Variants in FGD4 observed in about 807,000 individuals in gnomAD.
FGD4 encodes FYVE, RhoGEF and PH domain-containing protein 4.
A neutral mutation model predicts 102.0 loss-of-function variants in FGD4; 42 were observed. That is an observed-to-expected ratio of 0.41 (90% CI 0.32 to 0.53). The LOEUF is 0.53. FGD4 is among the 20% of genes least tolerant of loss of function. FGD4 has a pLI of 0.21. For synonymous variants in FGD4, 380 were observed against 375.7 expected (o/e 1.01, Z -0.13); for missense variants, 902 against 1,078.2 (o/e 0.84, Z 2.29).
At position 32,600,584 on chromosome 12, in the gene FGD4, C is replaced by CTTTT. The variant is rs776556112; in HGVS notation, c.1102-691_1102-690insTTTT. On this transcript the variant is annotated intron_variant, in intron 5 of 16. Transcript: ENST00000534526. ...GTTTTTTGTTTTTCTTTCTTTCTTT[C>CTTTT]TTTCTTTCTTTTTTTTTTTTTTGTC... 2,473 of 268,628 alleles carry CTTTT rather than the reference C, an allele frequency of 9.2e-3. 139 individuals carry two copies. The highest frequency in any genetic ancestry group is 0.075 in the African/African-American group (1,842 of 24,428). The allele number at this position is 268,628 out of a possible 1,614,324, so 16.6% of individuals were successfully genotyped here. A position where few individuals can be genotyped will look rare whatever the true frequency, so the allele number is the denominator to read the frequency against.
chr12:32,578,256 T>G (rs745415533), intron 3 of FGD4, among the ~76,000 whole-genome samples: 2 of 152,224 alleles, frequency 1.3e-5, no homozygotes, highest in Non-Finnish European at 2.9e-5. Context: ...AACAATGTTA[T>G]GTTCTCAGTG....
At chr12:32,574,563 G>T (rs1263269587) in intron 2 of FGD4, among the ~76,000 whole-genome samples, 1 of 152,006 alleles carries the variant, frequency 6.6e-6, no homozygotes, top group Non-Finnish European at 1.5e-5. Context: ...ACATATGTTG[G>T]AAAATATCAT....
At chr12:32,608,875 T>C (rs1342782518) in intron 8 of FGD4, among the ~76,000 whole-genome samples, 5 of 152,176 alleles carry the variant, frequency 3.3e-5, no homozygotes, top group Non-Finnish European at 7.3e-5. Flanking sequence ...TTTTTTGTCT[T>C]GGATCCTTAA....
chr12:32,615,231 C>G (rs1221959659), intron 10 of FGD4, among the ~76,000 whole-genome samples: 1 of 152,130 alleles, frequency 6.6e-6, no homozygotes, highest in Non-Finnish European at 1.5e-5. Context: ...AGACCATATA[C>G]AGTATGGTTC....
chr12:32,576,498 T>G (rs773986552), intron 3 of FGD4, 49 bp downstream of exon 3: 1 of 1,600,738 alleles, frequency 6.2e-7, no homozygotes, highest in South Asian at 1.1e-5. Context: ...AGAAAGCTGA[T>G]TTTCGAAAAA....
At chr12:32,550,690 A>AAAAAAAAAG (rs1943588823) in intron 1 of FGD4, among the ~76,000 whole-genome samples, 1 of 151,100 alleles carries the variant, frequency 6.6e-6, no homozygotes, top group Non-Finnish European at 1.5e-5. Context: ...AAAAAAAAAA[A>AAAAAAAAAG]AGAAAGAGAC....
At chr12:32,628,943 T>C (rs1053601625) in intron 14 of FGD4, among the ~76,000 whole-genome samples, 1 of 152,202 alleles carries the variant, frequency 6.6e-6, no homozygotes, top group Non-Finnish European at 1.5e-5. Flanking sequence ...CCCAGACCTA[T>C]TGCTGTGATC....
intron 14 of FGD4, among the ~76,000 whole-genome samples, chr12:32,630,525 TAA>T (rs1950437114): frequency 6.6e-6 from 1 of 151,750 alleles, no homozygotes; most frequent in African/African-American, 2.4e-5. Flanking sequence ...ACCAAAAATA[TAA>T]AAATTGGCTG....
chr12:32,629,575 A>G (rs1592471791), intron 14 of FGD4, among the ~76,000 whole-genome samples: 3 of 152,244 alleles, frequency 2.0e-5, no homozygotes, highest in South Asian at 4.2e-4. Flanking sequence ...GTGGGATTCA[A>G]TTCAGATATA....
In FGD4 at chr12:32,399,763, G is replaced by T; in HGVS notation, c.-31G>T. 4 of 1,526,764 alleles carry T rather than the reference G, an allele frequency of 2.6e-6. No homozygotes were observed. The highest frequency in any genetic ancestry group is 8.7e-7 in the Non-Finnish European group (1 of 1,143,908). The allele number at this position is 1,526,764 out of a possible 1,614,324, so 94.6% of individuals were successfully genotyped here. ...GCTCGCGGCTGGACGGGAGCGGGAG[G>T]AGTCGGGGAGCGGCGGTCGAGCCCG... On this transcript the variant is annotated 5_prime_UTR_variant, in exon 1 of 17. Transcript: ENST00000534526.
chr12:32,603,445 T>C (rs11052100), intron 7 of FGD4, among the ~76,000 whole-genome samples: 42,752 of 151,644 alleles, frequency 0.28, 6,262 homozygotes, highest in Middle Eastern at 0.48. Flanking sequence ...TGGAGTGCAG[T>C]GGCGTGATCT....
Position 32,578,068 on chromosome 12 carries a change from T to C in FGD4, c.503+1619T>C, listed in dbSNP as rs187257503. On this transcript the variant is annotated intron_variant, in intron 3 of 16. Coordinates refer to ENST00000534526, the MANE Select transcript of FGD4 (RefSeq NM_001370298.3). Reference sequence around the variant, plus strand: ...TGTTTTTTTAATCATTCAAGCTTCATAAATTCAATCCTGTTTTGATGCAAA... The same window carrying C: ...TGTTTTTTTAATCATTCAAGCTTCACAAATTCAATCCTGTTTTGATGCAAA... Among the ~76,000 whole-genome samples, 35 of 152,360 alleles carry C rather than the reference T, an allele frequency of 2.3e-4. 1 individual carries two copies. The highest frequency in any genetic ancestry group is 8.5e-4 in the Admixed American group (13 of 15,304).
At chr12:32,466,104 G>A (rs544964071) in intron 1 of FGD4, among the ~76,000 whole-genome samples, 4 of 152,134 alleles carry the variant, frequency 2.6e-5, no homozygotes, top group Non-Finnish European at 4.4e-5. Context: ...TAAGGATGTC[G>A]ATTGTTTTTT....
At chr12:32,498,380 A>T (rs1165830574) in intron 1 of FGD4, among the ~76,000 whole-genome samples, 2 of 152,160 alleles carry the variant, frequency 1.3e-5, no homozygotes, top group Non-Finnish European at 2.9e-5. Context: ...GGGTACTGTG[A>T]TAACAAGCTG....
At chr12:32,442,261 G>A (rs1476195652) in intron 1 of FGD4, among the ~76,000 whole-genome samples, 4 of 152,108 alleles carry the variant, frequency 2.6e-5, no homozygotes, top group Middle Eastern at 3.4e-3. Flanking sequence ...CACCGTGTTA[G>A]CCATGATGGT....
chr12:32,413,434 A>C (rs1941286402), intron 1 of FGD4, among the ~76,000 whole-genome samples: 1 of 152,208 alleles, frequency 6.6e-6, no homozygotes, highest in Non-Finnish European at 1.5e-5. Context: ...CTGTCATATT[A>C]ATGACTTACC....
Position 32,641,999 on chromosome 12 carries a change from A to G in FGD4, c.*1466A>G, listed in dbSNP as rs1951176717. The G allele has an allele frequency of 6.6e-6, 1 of 152,148 alleles. No homozygotes were observed. Among genetic ancestry groups the G allele is most frequent in the African/African-American group, 2.4e-5 (1 of 41,450 alleles). The allele number at this position is 152,148 out of a possible 1,614,324, so 9.4% of individuals were successfully genotyped here. The stretch of plus-strand genomic sequence containing the variant: ...AGAAATCTACAAGAATGATCCCACT[A>G]TCTTTAGTATGTAAGGATTACACCT... On this transcript the variant is annotated 3_prime_UTR_variant, in exon 17 of 17. Coordinates refer to ENST00000534526, the MANE Select transcript of FGD4 (RefSeq NM_001370298.3).
At chr12:32,531,142 G>A (rs1045711226) in intron 1 of FGD4, among the ~76,000 whole-genome samples, 26 of 151,580 alleles carry the variant, frequency 1.7e-4, no homozygotes, top group African/African-American at 6.1e-4. Flanking sequence ...AGTAGAGACA[G>A]GGTTTCACCA....
At chr12:32,509,129 T>C (rs971614277) in intron 1 of FGD4, among the ~76,000 whole-genome samples, 28 of 152,250 alleles carry the variant, frequency 1.8e-4, no homozygotes, top group African/African-American at 6.0e-4. Flanking sequence ...AAAATACAAA[T>C]GTTAGGAGGT....
Sources: allele counts gnomAD v4.1 joint callset (sites outside exome capture counted in the v4.1 genomes callset), GRCh38; gene constraint gnomAD v4.1.1; transcripts MANE v1.5; gene names NCBI Gene and HGNC (gene_info 2026-07-23, HGNC 2026-07-21).